Variants in UBAC2 observed in about 807,000 individuals in gnomAD.
UBAC2 encodes the protein UBA domain containing 2.
In UBAC2, 26 loss-of-function variants were observed where a neutral mutation model predicts 44.0. The ratio of observed to expected loss-of-function variants is 0.59; its 90% confidence interval spans 0.43 to 0.82. The LOEUF (loss-of-function observed/expected upper bound fraction) is 0.82. Among genes scored for constraint, UBAC2 ranks in the 40% least tolerant of loss-of-function variants. UBAC2 has a pLI of 0.00. For synonymous variants in UBAC2, 155 were observed against 154.3 expected, an observed-to-expected ratio of 1.00 and a Z score of -0.04; for missense variants, 329 against 419.4, an observed-to-expected ratio of 0.78 and a Z score of 1.88.
At chr13:99,207,663 G>A (rs1337067603) in intron 1 of UBAC2, among the ~76,000 whole-genome samples, 2 of 152,050 alleles carry the variant, frequency 1.3e-5, no homozygotes, top group Non-Finnish European at 2.9e-5. Flanking sequence ...GATGCAGTTA[G>A]AGAAGTTTGA....
intron 3 of UBAC2, 107 bp from the exon 4 acceptor site, chr13:99,244,408 C>CATGTGTGTATATACACACAA: frequency 3.1e-6 from 2 of 645,800 alleles, no homozygotes; most frequent in South Asian, 1.8e-5. Flanking sequence ...TATACACACA[C>CATGTGTGTATATACACACAA]ACACATACAT....
intron 8 of UBAC2, among the ~76,000 whole-genome samples, chr13:99,375,793 CT>C (rs2045471630): frequency 7.1e-6 from 1 of 141,296 alleles, no homozygotes; most frequent in Admixed American, 7.2e-5. Flanking sequence ...TTCTCTTTTC[CT>C]TTTTCCCTTT....
At chr13:99,354,642 AGTAATTTAGGAT>A (rs2138864558) in intron 7 of UBAC2, among the ~76,000 whole-genome samples, 1 of 151,822 alleles carries the variant, frequency 6.6e-6, no homozygotes, top group South Asian at 2.1e-4. Context: ...GAGCCGACAT[AGTAATTTAGGAT>A]GTAATTTAGA....
chr13:99,305,120 G>A (rs528051036), intron 4 of UBAC2, among the ~76,000 whole-genome samples: 11 of 152,188 alleles, frequency 7.2e-5, no homozygotes, highest in Admixed American at 4.6e-4. Flanking sequence ...CTGAAATTTC[G>A]ATTGAAAAAA....
chr13:99,249,047 C>T (rs1234164402), intron 4 of UBAC2, among the ~76,000 whole-genome samples: 1 of 152,062 alleles, frequency 6.6e-6, no homozygotes, highest in Non-Finnish European at 1.5e-5. Context: ...CTTTCAGATT[C>T]AGGGGGTACA....
At chr13:99,243,000 G>A (rs888093684) in intron 2 of UBAC2, among the ~76,000 whole-genome samples, 9 of 151,686 alleles carry the variant, frequency 5.9e-5, no homozygotes, top group African/African-American at 1.2e-4. Flanking sequence ...GATGGCGGCC[G>A]GGCAGAGACG....
rs1058143 is a variant in UBAC2, at chr13:99,386,082, T to C, written c.*747T>C. ...AGGGCACTCTGTGGCTGGCCTGGCA[T>C]GGGCTCAGCCCAGGAAGAGGAGAAA... On this transcript the variant is annotated 3_prime_UTR_variant, in exon 9 of 9. Coordinates refer to ENST00000403766, the MANE Select transcript of UBAC2 (RefSeq NM_001144072.2). The C allele has an allele frequency of 0.63, 95,939 of 152,152 alleles. 30,489 individuals are homozygous for C. The highest frequency in any genetic ancestry group is 0.68 in the Middle Eastern group (199 of 294). 9.4% of individuals were successfully genotyped at this position (152,152 alleles called of 1,614,324 possible).
intron 7 of UBAC2, among the ~76,000 whole-genome samples, chr13:99,343,216 A>C (rs2044919763): frequency 1.3e-5 from 2 of 152,198 alleles, no homozygotes. Flanking sequence ...TGCTGACCAC[A>C]TGCTCACTTT....
In UBAC2 at chr13:99,244,527, G is replaced by T. The variant is rs1327513934; in HGVS notation, c.292G>T (p.Gly98Cys). The change falls in exon 4 of 9, where the codon GGT (glycine) becomes TGT (cysteine). Residue 98 changes from glycine to cysteine, a missense_variant. Gly to Cys is a radical substitution (Grantham distance 159). Transcript: ENST00000403766. ...GSRKFASFLL[G>C]SWVLSALFDF... ...TTTTATTTTGTAGTCCTTTTTGCTGGGTTCCTGGGTTTTGTCAGCCTTATT... is the reference window on the plus strand; with the variant it reads ...TTTTATTTTGTAGTCCTTTTTGCTGTGTTCCTGGGTTTTGTCAGCCTTATT... 5.0e-6 allele frequency: 8 copies of T among 1,611,932 alleles called. No homozygotes were observed. The Admixed American group carries it at 8.4e-5, about 17-fold the overall frequency.
intron 8 of UBAC2, among the ~76,000 whole-genome samples, chr13:99,375,387 G>A (rs2045466390): frequency 6.6e-6 from 1 of 152,216 alleles, no homozygotes; most frequent in Non-Finnish European, 1.5e-5. Flanking sequence ...CAGCATGGGG[G>A]TGGGCAGCTG....
chr13:99,238,679 T>A, intron 2 of UBAC2, 125 bp downstream of exon 2: 11 of 837,014 alleles, frequency 1.3e-5, no homozygotes, highest in Non-Finnish European at 1.8e-5. Flanking sequence ...TATTTATTAT[T>A]AATATTTCAT....
intron 7 of UBAC2, among the ~76,000 whole-genome samples, chr13:99,361,359 A>G (rs892978539): frequency 1.3e-5 from 2 of 152,216 alleles, no homozygotes; most frequent in Non-Finnish European, 2.9e-5. Flanking sequence ...GAGCAGATTC[A>G]TGTCAAAACA....
intron 6 of UBAC2, among the ~76,000 whole-genome samples, chr13:99,336,976 C>T (rs1400904766): frequency 6.6e-6 from 1 of 151,952 alleles, no homozygotes; most frequent in African/African-American, 2.4e-5. Flanking sequence ...TTTCTCCCTC[C>T]CTTCTGTGAC....
intron 1 of UBAC2, among the ~76,000 whole-genome samples, chr13:99,209,943 C>T (rs575216810): frequency 1.3e-5 from 2 of 152,302 alleles, no homozygotes; most frequent in South Asian, 2.1e-4. Context: ...CATTCCACTG[C>T]ACTCCAGCCT....
chr13:99,362,760 A>G (rs1034960968), intron 7 of UBAC2, among the ~76,000 whole-genome samples: 1 of 152,126 alleles, frequency 6.6e-6, no homozygotes, highest in Non-Finnish European at 1.5e-5. Context: ...TTGATTTATT[A>G]AGTCTCATTG....
chr13:99,295,071 T>C lies in UBAC2; in HGVS notation c.390-19026T>C, dbSNP rs769474011. The C allele has an allele frequency of 6.2e-7, 1 of 1,613,112 alleles. No individual in the cohort carries two copies. Among genetic ancestry groups the C allele is most frequent in the Non-Finnish European group, 8.5e-7 (1 of 1,179,492 alleles). On this transcript the variant is annotated intron_variant, in intron 4 of 8. Transcript: ENST00000403766. This position sits in a 1 kb window ranked among gnomAD's most constrained non-coding sequence, Gnocchi z 4.1. Reference sequence around the variant, plus strand: ...AAATACAATCCATTTCACTTTCCATTTGAAGACTTGGAATGTATCATCATC... The same window carrying C: ...AAATACAATCCATTTCACTTTCCATCTGAAGACTTGGAATGTATCATCATC...
chr13:99,211,285 G>A (rs1291502489), intron 1 of UBAC2, among the ~76,000 whole-genome samples: 3 of 152,178 alleles, frequency 2.0e-5, no homozygotes, highest in African/African-American at 7.2e-5. Flanking sequence ...ATGTGGAAGA[G>A]CTGAGATTTG....
At chr13:99,367,948 T>A in intron 8 of UBAC2, 42 bp downstream of exon 8, 1 of 1,594,946 alleles carries the variant, frequency 6.3e-7, no homozygotes. Flanking sequence ...TAAATCCATG[T>A]TTCAGAGTTG....
chr13:99,244,725 T>C, intron 4 of UBAC2, 101 bp downstream of exon 4: 1 of 657,328 alleles, frequency 1.5e-6, no homozygotes, highest in Non-Finnish European at 2.5e-6. Context: ...ATTTTAAACT[T>C]CTAGATATAG....
Sources: allele counts gnomAD v4.1 joint callset (sites outside exome capture counted in the v4.1 genomes callset), GRCh38; gene constraint gnomAD v4.1.1; non-coding constraint Gnocchi (gnomAD v3.1); transcripts MANE v1.5; gene names NCBI Gene and HGNC (gene_info 2026-07-23, HGNC 2026-07-21).